MTAP: variants seen among roughly 807,000 people sequenced by gnomAD.
MTAP encodes the protein methylthioadenosine phosphorylase.
MTAP carries 33 observed loss-of-function variants against 33.6 expected under a neutral mutation model. The ratio of observed to expected loss-of-function variants is 0.98; its 90% confidence interval spans 0.74 to 1.31. The LOEUF is 1.31. Ranked by LOEUF, MTAP falls within the 40% of genes most tolerant of loss-of-function variation. The pLI, the probability that MTAP is intolerant of heterozygous loss-of-function variation, is 0.00. For synonymous variants in MTAP, 148 were observed against 125.7 expected (o/e 1.18, Z -1.19); for missense variants, 367 against 360.0 (o/e 1.02, Z -0.16).
chr9:21,923,149 T>G (rs1355605108), intron 1 of MTAP, among the ~76,000 whole-genome samples: 1 of 152,190 alleles, frequency 6.6e-6, no homozygotes. Flanking sequence ...TTGTTGCATT[T>G]GTACAGCAGC....
chr9:21,920,785 G>T (rs1818775544), intron 1 of MTAP, among the ~76,000 whole-genome samples: 2 of 152,172 alleles, frequency 1.3e-5, no homozygotes, highest in Admixed American at 1.3e-4. Context: ...CATGCTAAAT[G>T]ATCTTTTTAA....
intron 4 of MTAP, among the ~76,000 whole-genome samples, chr9:21,832,297 G>A (rs1156766033): frequency 1.3e-5 from 2 of 152,186 alleles, no homozygotes; most frequent in Non-Finnish European, 2.9e-5. Flanking sequence ...GCCCGTGTCT[G>A]GGCCCTGAGG....
chr9:21,849,924 T>A (rs1825471862), intron 5 of MTAP, among the ~76,000 whole-genome samples: 1 of 152,262 alleles, frequency 6.6e-6, no homozygotes, highest in Admixed American at 6.5e-5. Flanking sequence ...CCTTTTTCTC[T>A]ATATCTGTCC....
At chr9:21,856,272 AGTTT>A in intron 6 of MTAP, 1 of 710,334 alleles carries the variant, frequency 1.4e-6, no homozygotes, top group Non-Finnish European at 1.7e-6. Flanking sequence ...CGTTTTAGAG[AGTTT>A]GTTTTACTAT....
At chr9:21,911,010 A>G (rs1818567684) in intron 1 of MTAP, among the ~76,000 whole-genome samples, 1 of 152,206 alleles carries the variant, frequency 6.6e-6, no homozygotes, top group African/African-American at 2.4e-5. Context: ...ACTTTAAACC[A>G]ACAAAGATCA....
intron 1 of MTAP, among the ~76,000 whole-genome samples, chr9:21,899,405 G>T (rs1818352157): frequency 6.7e-6 from 1 of 149,364 alleles, no homozygotes; most frequent in Non-Finnish European, 1.5e-5. Context: ...GAAGGAGAAG[G>T]GGAAGGGGAA....
rs568215056 is a variant in MTAP at position 21,832,710 on chromosome 9, C to A, written c.348-5198C>A. Among the ~76,000 whole-genome samples, 12 of 152,300 alleles carry A rather than the reference C, an allele frequency of 7.9e-5. No homozygotes were observed. In the South Asian group the frequency reaches 1.7e-3, roughly 21 times the overall value. On this transcript the variant is annotated intron_variant, in intron 4 of 7. Transcript: ENST00000644715. ...CCTAGTTGTGTTATTAACTTCCCAT[C>A]ATACATCCTTTTATTAAAAATCCTA...
chr9:21,908,568 A>T (rs1818511338), intron 1 of MTAP, among the ~76,000 whole-genome samples: 1 of 152,120 alleles, frequency 6.6e-6, no homozygotes, highest in African/African-American at 2.4e-5. Context: ...TTTCTTATAT[A>T]GTAGATCATG....
chr9:21,837,854 G>A (rs1355102605), intron 4 of MTAP, 54 bp from the exon 5 acceptor site: 11 of 1,483,026 alleles, frequency 7.4e-6, no homozygotes, highest in Non-Finnish European at 1.0e-5. Flanking sequence ...TCGGAGGATG[G>A]AAAGATGGCC....
At chr9:21,927,509 A>T (rs1818888647) in intron 1 of MTAP, among the ~76,000 whole-genome samples, 1 of 152,208 alleles carries the variant, frequency 6.6e-6, no homozygotes, top group African/African-American at 2.4e-5. Flanking sequence ...CCACTACTAG[A>T]AGAGGATAAC....
At chr9:21,883,662 A>C (rs530146294) in intron 1 of MTAP, among the ~76,000 whole-genome samples, 2 of 151,306 alleles carry the variant, frequency 1.3e-5, no homozygotes, top group Admixed American at 1.3e-4. Context: ...ATCTCATTGG[A>C]GAACGTGTGT....
intron 5 of MTAP, 93 bp downstream of exon 5, chr9:21,838,103 A>T: frequency 1.1e-6 from 1 of 946,280 alleles, no homozygotes; most frequent in South Asian, 1.4e-5. Context: ...GAGTGGCCCC[A>T]TACCCTCACT....
chr9:21,887,987 G>A (rs1041082773), intron 1 of MTAP, among the ~76,000 whole-genome samples: 2 of 152,154 alleles, frequency 1.3e-5, no homozygotes, highest in Admixed American at 1.3e-4. Context: ...ATTCTATCCT[G>A]AAACTTTACT....
chr9:21,806,407 CG>C (rs746707975), intron 1 of MTAP, among the ~76,000 whole-genome samples: 117 of 152,092 alleles, frequency 7.7e-4, no homozygotes, highest in Non-Finnish European at 6.8e-4. Flanking sequence ...TAAGGGGCCA[CG>C]AGTGACTCCT....
chr9:21,814,463 G>A (rs1351006965), intron 1 of MTAP, among the ~76,000 whole-genome samples: 1 of 152,170 alleles, frequency 6.6e-6, no homozygotes, highest in Admixed American at 6.5e-5. Context: ...TTCTAATAAA[G>A]TTAGCCTGGC....
rs1824100274 is a variant in MTAP at position 21,803,016 on chromosome 9, ACACACACACACACAC to A, written c.33+236_33+250del. On this transcript the variant is annotated intron_variant, in intron 1 of 7. Transcript: ENST00000644715. ...CACACACACACACACACACACACAC[ACACACACACACACAC>A]ACACACCACCTTTTGGCTTATCTGC... 3 of 1,099,850 alleles carry A rather than the reference ACACACACACACACAC, an allele frequency of 2.7e-6. No homozygotes were observed. The African/African-American group carries it at 5.0e-5, about 18-fold the overall frequency. 68.1% of individuals were successfully genotyped at this position (1,099,850 alleles called of 1,614,324 possible).
intron 1 of MTAP, among the ~76,000 whole-genome samples, chr9:21,876,128 T>C (rs995260368): frequency 1.3e-5 from 2 of 152,202 alleles, no homozygotes. Flanking sequence ...ATCAGTGATA[T>C]CACGCTTTTT....
At chr9:21,833,325 A>G (rs1043156648) in intron 4 of MTAP, among the ~76,000 whole-genome samples, 1 of 152,126 alleles carries the variant, frequency 6.6e-6, no homozygotes, top group Non-Finnish European at 1.5e-5. Context: ...TGGGACTACA[A>G]GGGTGTGACA....
rs1190924436 is a variant in MTAP at position 21,922,764 on chromosome 9, C to A, written c.148-8244C>A. Among the ~76,000 whole-genome samples the A allele has an allele frequency of 1.3e-5, 2 of 152,142 alleles. No individual in the cohort carries two copies. The highest frequency in any genetic ancestry group is 4.8e-5 in the African/African-American group (2 of 41,414). On this transcript the variant is annotated intron_variant, in intron 1 of 1. Transcript: ENST00000577563. The surrounding 1 kb of genome is among the most constrained non-coding windows in gnomAD (Gnocchi z 4.8). Reference sequence around the variant, plus strand: ...TACTCTCAGCCACAGTGGCTCTGCACCCGCTGGCTGATCTCTCAGCTTACC... The same window carrying A: ...TACTCTCAGCCACAGTGGCTCTGCAACCGCTGGCTGATCTCTCAGCTTACC...
Sources: gnomAD v4.1 joint callset for allele counts (sites outside exome capture counted in the v4.1 genomes callset) on GRCh38, gnomAD v4.1.1 for gene constraint, Gnocchi (gnomAD v3.1) non-coding constraint, MANE v1.5 for transcripts, NCBI Gene and HGNC (gene_info 2026-07-23, HGNC 2026-07-21) for gene names.